Variants in RPS6KA6 observed in about 807,000 individuals in gnomAD.
The protein encoded by RPS6KA6 is ribosomal protein S6 kinase alpha-6.
In RPS6KA6, 27 loss-of-function variants were observed where a neutral mutation model predicts 65.4. That is an observed-to-expected ratio of 0.41 (90% CI 0.30 to 0.57). The LOEUF (loss-of-function observed/expected upper bound fraction) is 0.57. Ranked by LOEUF, RPS6KA6 falls within the 20% of genes least tolerant of loss-of-function variation. The pLI, the probability that RPS6KA6 is intolerant of heterozygous loss-of-function variation, is 0.24. For synonymous variants in RPS6KA6, 190 were observed against 184.2 expected, an observed-to-expected ratio of 1.03 and a Z score of -0.26; for missense variants, 486 against 555.6, an observed-to-expected ratio of 0.87 and a Z score of 1.26.
chrX:84,124,589 C>G (rs909226765), intron 8 of RPS6KA6, among the ~76,000 whole-genome samples: 2 of 106,304 alleles, frequency 1.9e-5, no homozygotes, highest in African/African-American at 6.9e-5. Flanking sequence ...AGCTTGAAGA[C>G]AAGCTATTTG....
At chrX:84,184,616 T>C (rs764388544) in intron 1 of RPS6KA6, among the ~76,000 whole-genome samples, 3 of 110,454 alleles carry the variant, frequency 2.7e-5, no homozygotes, top group African/African-American at 6.6e-5. Context: ...TCTATTACTA[T>C]AGGGTCTCAT....
chrX:84,187,978 G>A lies in RPS6KA6; in HGVS notation c.-79C>T. 2.8e-5 allele frequency: 7 copies of A among 249,952 alleles called. No homozygotes were observed. The South Asian group carries it at 9.7e-4, about 35-fold the overall frequency. 20.6% of individuals were successfully genotyped at this position (249,952 alleles called of 1,213,427 possible). On this transcript the variant is annotated 5_prime_UTR_variant, in exon 1 of 22. Coordinates refer to ENST00000262752, the MANE Select transcript of RPS6KA6 (RefSeq NM_014496.5). ...CGCATCCTGTCTATTGAACTGGCCC[G>A]CCGCCGCCGCCGCCGCCGCCGCCGC... is the stretch of plus-strand genomic sequence containing the variant.
intron 1 of RPS6KA6, among the ~76,000 whole-genome samples, chrX:84,169,090 T>C (rs1436307943): frequency 8.9e-6 from 1 of 112,154 alleles, no homozygotes; most frequent in Non-Finnish European, 1.9e-5. Context: ...ACATGCTGCT[T>C]TCCCCAATTA....
At chrX:84,071,219 A>G (rs765133850) in intron 20 of RPS6KA6, among the ~76,000 whole-genome samples, 9 of 111,433 alleles carry the variant, frequency 8.1e-5, no homozygotes, top group Non-Finnish European at 1.5e-4. Context: ...GCTCTATAAA[A>G]GGTCTCACTA....
At chrX:84,074,048 T>C (rs1238240779) in intron 20 of RPS6KA6, among the ~76,000 whole-genome samples, 1 of 111,875 alleles carries the variant, frequency 8.9e-6, no homozygotes, top group Admixed American at 9.5e-5. Flanking sequence ...ATGAGAACAG[T>C]ATATTGAAAA....
intron 6 of RPS6KA6, among the ~76,000 whole-genome samples, chrX:84,137,888 G>C (rs931377204): frequency 9.0e-6 from 1 of 111,522 alleles, no homozygotes; most frequent in East Asian, 2.8e-4. Context: ...GCTAGTTTTT[G>C]ATGTTCAGTA....
At chrX:84,170,086 G>A (rs1281845619) in intron 1 of RPS6KA6, among the ~76,000 whole-genome samples, 1 of 102,760 alleles carries the variant, frequency 9.7e-6, no homozygotes, top group Non-Finnish European at 2.0e-5. Flanking sequence ...ACAACTGCTT[G>A]AACCCAGGAG....
chrX:84,134,999 T>C lies in RPS6KA6; in HGVS notation c.608+105A>G, dbSNP rs1011419118. The C allele has an allele frequency of 9.0e-5, 58 of 647,452 alleles. No homozygotes were observed. In the African/African-American group the frequency reaches 1.2e-3, roughly 13 times the overall value. 53.4% of individuals were successfully genotyped at this position (647,452 alleles called of 1,213,427 possible). A position where few individuals can be genotyped will look rare whatever the true frequency, so the allele number is the denominator to read the frequency against. On this transcript the variant is annotated intron_variant, in intron 7 of 21. Transcript: ENST00000262752. ...TTACTTTTTACAAATAAGTTTCATA[T>C]AATTCATATAGAATTCCCTATAATA...
At chrX:84,066,779 G>C (rs759265416) in intron 20 of RPS6KA6, among the ~76,000 whole-genome samples, 13 of 111,941 alleles carry the variant, frequency 1.2e-4, no homozygotes, top group Non-Finnish European at 2.3e-4. Context: ...TCTGCTAAGG[G>C]ACAGACTGCC....
intron 20 of RPS6KA6, among the ~76,000 whole-genome samples, chrX:84,065,616 C>A (rs1032463042): frequency 8.1e-5 from 9 of 111,762 alleles, no homozygotes; most frequent in Admixed American, 9.5e-5. Context: ...TCATAGTAGT[C>A]CCCAGTGCAT....
intron 20 of RPS6KA6, among the ~76,000 whole-genome samples, chrX:84,084,167 A>T (rs1264685323): frequency 1.8e-5 from 2 of 111,912 alleles, no homozygotes; most frequent in Non-Finnish European, 3.8e-5. Flanking sequence ...CTCTCTGTTC[A>T]CTCTGATGAT....
At chrX:84,186,591 A>G (rs2035930772) in intron 1 of RPS6KA6, among the ~76,000 whole-genome samples, 1 of 111,812 alleles carries the variant, frequency 8.9e-6, no homozygotes, top group Non-Finnish European at 1.9e-5. Context: ...TCCTTACCAC[A>G]TGTTATTCTA....
In RPS6KA6 at chrX:84,064,422, C is replaced by A; in HGVS notation, c.2113-20G>T. ...TGCTCCCTAAAGTAATGAGAAAATGCCACAAACTAAGTACAAATTCTGGAG... is the reference window on the plus strand; with the variant it reads ...TGCTCCCTAAAGTAATGAGAAAATGACACAAACTAAGTACAAATTCTGGAG... On this transcript the variant is annotated intron_variant, in intron 21 of 21. Transcript: ENST00000262752. 1 of 1,152,601 alleles carries A rather than the reference C, an allele frequency of 8.7e-7. No individual in the cohort carries two copies. 95.0% of individuals were successfully genotyped at this position (1,152,601 alleles called of 1,213,427 possible). A position where few individuals can be genotyped will look rare whatever the true frequency, so the allele number is the denominator to read the frequency against.
At chrX:84,181,424 C>T (rs2035852708) in intron 1 of RPS6KA6, among the ~76,000 whole-genome samples, 1 of 111,992 alleles carries the variant, frequency 8.9e-6, no homozygotes, top group African/African-American at 3.2e-5. Flanking sequence ...CAGGGCAGTT[C>T]AAACAACCCA....
At chrX:84,109,565 G>A (rs2034429753) in intron 12 of RPS6KA6, among the ~76,000 whole-genome samples, 1 of 111,203 alleles carries the variant, frequency 9.0e-6, no homozygotes, top group Non-Finnish European at 1.9e-5. Context: ...AGCCCCACAG[G>A]TCTGCAATAT....
intron 3 of RPS6KA6, 122 bp from the exon 4 acceptor site, chrX:84,148,245 C>T: frequency 2.4e-6 from 1 of 413,330 alleles, no homozygotes; most frequent in Non-Finnish European, 4.2e-6. Flanking sequence ...AAACATATGC[C>T]TTCCCATAGA....
chrX:84,179,712 T>C (rs1225981227), intron 1 of RPS6KA6, among the ~76,000 whole-genome samples: 1 of 111,871 alleles, frequency 8.9e-6, no homozygotes, highest in Non-Finnish European at 1.9e-5. Context: ...GTTTTATGAT[T>C]GTGCCAGAAG....
chrX:84,113,400 T>C (rs2034503207), intron 12 of RPS6KA6, among the ~76,000 whole-genome samples: 1 of 111,675 alleles, frequency 9.0e-6, no homozygotes, highest in Non-Finnish European at 1.9e-5. Flanking sequence ...TGAATATAGA[T>C]GCAAAAATCC....
At chrX:84,163,666 A>AAT (rs2035553058) in intron 2 of RPS6KA6, among the ~76,000 whole-genome samples, 1 of 109,057 alleles carries the variant, frequency 9.2e-6, no homozygotes, top group Non-Finnish European at 1.9e-5. Context: ...AAAAAAAAAA[A>AAT]ATCTATAACT....
Sources: gnomAD v4.1 joint callset for allele counts (sites outside exome capture counted in the v4.1 genomes callset) on GRCh38, gnomAD v4.1.1 for gene constraint, MANE v1.5 for transcripts, NCBI Gene and HGNC (gene_info 2026-07-23, HGNC 2026-07-21) for gene names.